The following GPC6 variants were observed in gnomAD, a reference collection of about 807,000 sequenced individuals.
The protein encoded by GPC6 is glypican-6.
Under a neutral mutation model 55.2 loss-of-function variants are expected in GPC6, and 14 were observed. That is an observed-to-expected ratio of 0.25 (90% CI 0.17 to 0.40). The LOEUF is 0.40. Ranked by LOEUF, GPC6 falls within the 10% of genes least tolerant of loss-of-function variation. The pLI, the probability that GPC6 is intolerant of heterozygous loss-of-function variation, is 1.00. For missense variants in GPC6, 641 were observed against 708.5 expected, an observed-to-expected ratio of 0.90 and a Z score of 1.08; for synonymous variants, 278 against 259.6, an observed-to-expected ratio of 1.07 and a Z score of -0.68.
intron 1 of GPC6, among the ~76,000 whole-genome samples, chr13:93,270,090 CA>C (rs1355095157): frequency 8.9e-5 from 13 of 146,404 alleles, no homozygotes; most frequent in East Asian, 4.0e-4. Flanking sequence ...CTATGGCTCT[CA>C]AAAAAAAAAT....
At chr13:93,454,661 T>G (rs1343045748) in intron 1 of GPC6, among the ~76,000 whole-genome samples, 1 of 151,856 alleles carries the variant, frequency 6.6e-6, no homozygotes, top group African/African-American at 2.4e-5. Flanking sequence ...GTATTTACAA[T>G]CCCTGAGCTA....
intron 1 of GPC6, among the ~76,000 whole-genome samples, chr13:93,424,079 C>T (rs1877027647): frequency 6.6e-6 from 1 of 152,162 alleles, no homozygotes; most frequent in Admixed American, 6.6e-5. Flanking sequence ...CAGTGTGCCC[C>T]ATGGTGGGTT....
rs1017805609 is a variant in GPC6 at position 93,671,507 on chromosome 13, T to C, written c.319+126086T>C. On this transcript the variant is annotated intron_variant, in intron 2 of 8. Coordinates refer to ENST00000377047, the MANE Select transcript of GPC6 (RefSeq NM_005708.5). The stretch of plus-strand genomic sequence containing the variant: ...GTTGTATCTTCCCTCTGGGGTGTTT[T>C]GGCTTTGCTTGGTTACCAACTACAT... Among the ~76,000 whole-genome samples the C allele has an allele frequency of 1.2e-4, 18 of 152,240 alleles. 1 individual carries two copies. Among genetic ancestry groups the C allele is most frequent in the Admixed American group, 7.9e-4 (12 of 15,276 alleles).
At chr13:93,641,566 G>C (rs1879943922) in intron 2 of GPC6, among the ~76,000 whole-genome samples, 1 of 152,118 alleles carries the variant, frequency 6.6e-6, no homozygotes, top group African/African-American at 2.4e-5. Flanking sequence ...CTGTATACAA[G>C]TGTCTTACTC....
intron 2 of GPC6, among the ~76,000 whole-genome samples, chr13:93,594,894 G>A (rs1877656681): frequency 6.6e-6 from 1 of 151,410 alleles, no homozygotes; most frequent in Admixed American, 6.6e-5. Context: ...CCAACCTCAT[G>A]GCCTAATCAT....
intron 3 of GPC6, among the ~76,000 whole-genome samples, chr13:93,843,829 G>T (rs1448737194): frequency 6.6e-6 from 1 of 152,094 alleles, no homozygotes; most frequent in Non-Finnish European, 1.5e-5. Flanking sequence ...TTCAGTGCTA[G>T]TTGCCATTTA....
chr13:93,334,585 G>A (rs1486218338), intron 1 of GPC6, among the ~76,000 whole-genome samples: 1 of 152,038 alleles, frequency 6.6e-6, no homozygotes, highest in Non-Finnish European at 1.5e-5. Context: ...GCCTCACTCA[G>A]CCTACCAAGT....
At chr13:93,907,636 T>C (rs1178784268) in intron 3 of GPC6, among the ~76,000 whole-genome samples, 1 of 152,080 alleles carries the variant, frequency 6.6e-6, no homozygotes, top group Non-Finnish European at 1.5e-5. Flanking sequence ...TGGACAGAGA[T>C]TAATAATTAG....
At chr13:93,657,566 A>G (rs1425692159) in intron 2 of GPC6, among the ~76,000 whole-genome samples, 1 of 152,186 alleles carries the variant, frequency 6.6e-6, no homozygotes, top group East Asian at 1.9e-4. Context: ...CAAAGATGGC[A>G]AAAGCAATGG....
chr13:93,420,541 G>A (rs954948209), intron 1 of GPC6, among the ~76,000 whole-genome samples: 1 of 152,140 alleles, frequency 6.6e-6, no homozygotes, highest in Non-Finnish European at 1.5e-5. Context: ...GATTTTGCTG[G>A]ACCTTGAAGA....
chr13:93,965,593 G>T (rs1880005012), intron 3 of GPC6, among the ~76,000 whole-genome samples: 1 of 152,068 alleles, frequency 6.6e-6, no homozygotes, highest in Admixed American at 6.5e-5. Context: ...GCTTCTTTCT[G>T]TCTCACCCTC....
chr13:93,355,223 A>C (rs1454519475), intron 1 of GPC6, among the ~76,000 whole-genome samples: 2 of 152,202 alleles, frequency 1.3e-5, no homozygotes, highest in Non-Finnish European at 2.9e-5. Context: ...ACTCAAGATA[A>C]AAGCATTTTC....
At chr13:94,245,856 G>T (rs1301511682) in intron 4 of GPC6, among the ~76,000 whole-genome samples, 2 of 152,022 alleles carry the variant, frequency 1.3e-5, no homozygotes, top group East Asian at 3.9e-4. Context: ...ATACCTTTGT[G>T]AGGTGATTAT....
At chr13:94,110,180 G>C (rs1886192898) in intron 4 of GPC6, among the ~76,000 whole-genome samples, 1 of 151,922 alleles carries the variant, frequency 6.6e-6, no homozygotes. Flanking sequence ...AGTCCAGTGG[G>C]ATACGAGCGT....
At chr13:94,108,855 A>G (rs766044863) in intron 4 of GPC6, among the ~76,000 whole-genome samples, 55 of 55,530 alleles carry the variant, frequency 9.9e-4, no homozygotes, top group Non-Finnish European at 2.0e-3. Context: ...AAAAAAAAAC[A>G]AAAAAAAAAA....
chr13:94,137,479 G>A (rs1391719520), intron 4 of GPC6, among the ~76,000 whole-genome samples: 1 of 152,188 alleles, frequency 6.6e-6, no homozygotes, highest in African/African-American at 2.4e-5. Context: ...TAGGGTCTGA[G>A]CTGAGCCTTA....
chr13:94,391,194 T>C (rs1259900753), intron 7 of GPC6, among the ~76,000 whole-genome samples: 1 of 152,214 alleles, frequency 6.6e-6, no homozygotes, highest in African/African-American at 2.4e-5. Flanking sequence ...CAGCAAATTC[T>C]TTTTCTGAAC....
intron 6 of GPC6, among the ~76,000 whole-genome samples, chr13:94,367,114 T>A (rs896156830): frequency 6.6e-6 from 1 of 152,216 alleles, no homozygotes; most frequent in African/African-American, 2.4e-5. Context: ...AACATTTAAA[T>A]AGAGTCTAAA....
intron 3 of GPC6, among the ~76,000 whole-genome samples, chr13:94,027,121 G>A (rs889277381): frequency 9.2e-5 from 14 of 152,222 alleles, no homozygotes; most frequent in African/African-American, 2.2e-4. Flanking sequence ...CAGTGGATAC[G>A]TAGCTCCTCT....
Sources: gnomAD v4.1 joint callset for allele counts (sites outside exome capture counted in the v4.1 genomes callset) on GRCh38, gnomAD v4.1.1 for gene constraint, MANE v1.5 for transcripts, NCBI Gene and HGNC (gene_info 2026-07-23, HGNC 2026-07-21) for gene names.